The following DGKB variants were observed in gnomAD, a reference collection of about 807,000 sequenced individuals.
The protein encoded by DGKB is diacylglycerol kinase beta.
In DGKB, 67 loss-of-function variants were observed where a neutral mutation model predicts 114.3. That is an observed-to-expected ratio of 0.59 (90% CI 0.48 to 0.72). The LOEUF (loss-of-function observed/expected upper bound fraction) is 0.72. Among genes scored for constraint, DGKB ranks in the 30% least tolerant of loss-of-function variants. The pLI is 0.00. For synonymous variants in DGKB, 398 were observed against 323.1 expected (o/e 1.23, Z -2.49); for missense variants, 907 against 975.2 (o/e 0.93, Z 0.93).
chr7:14,736,187 T>C lies in DGKB; in HGVS notation c.176A>G (p.Asp59Gly). The C allele has an allele frequency of 6.6e-7, 1 of 1,518,404 alleles. No homozygotes were observed. The highest frequency in any genetic ancestry group is 8.9e-7 in the Non-Finnish European group (1 of 1,124,100). 94.1% of individuals were successfully genotyped at this position (1,518,404 alleles called of 1,614,324 possible). A position where few individuals can be genotyped will look rare whatever the true frequency, so the allele number is the denominator to read the frequency against. ...GKQDILNQTIDFEGFKLFMKT... is the reference protein window; with the variant it reads ...GKQDILNQTIGFEGFKLFMKT... Reference sequence around the variant, plus strand: ...CATGAATAGTTTGAAACCTTCAAAATCTATTGTCTGGAAAAAAAAAATGTA... The same window carrying C: ...CATGAATAGTTTGAAACCTTCAAAACCTATTGTCTGGAAAAAAAAAATGTA... Residue 59 changes from aspartate to glycine, a missense_variant, in exon 5 of 26, where the codon GAT becomes GGT. Coordinates refer to ENST00000402815, the MANE Select transcript of DGKB (RefSeq NM_001350709.2).
intron 13 of DGKB, among the ~76,000 whole-genome samples, chr7:14,664,164 C>T (rs1035818167): frequency 6.6e-6 from 1 of 151,980 alleles, no homozygotes; most frequent in Non-Finnish European, 1.5e-5. Flanking sequence ...TAATGAACTT[C>T]CCCTGCACAT....
At chr7:14,604,221 G>C (rs73289525) in intron 17 of DGKB, among the ~76,000 whole-genome samples, 264 of 152,126 alleles carry the variant, frequency 1.7e-3, no homozygotes, top group African/African-American at 6.1e-3. Context: ...TATATAAAGA[G>C]ATAGAATGGA....
rs1212601204 is a variant in DGKB, at chr7:14,685,369, G to A, written c.712-7C>T. 3 of 1,595,480 alleles carry A rather than the reference G, an allele frequency of 1.9e-6. No individual in the cohort carries two copies. The highest frequency in any genetic ancestry group is 2.2e-5 in the East Asian group (1 of 44,754). Reference sequence around the variant, plus strand: ...GTCCATCATCCTTCACGTTCTGCATGGGACGTAAGAGAAACAGATTTCACT... The same window carrying A: ...GTCCATCATCCTTCACGTTCTGCATAGGACGTAAGAGAAACAGATTTCACT... On this transcript the variant is annotated splice_region_variant and splice_polypyrimidine_tract_variant and intron_variant, in intron 9 of 25. Coordinates refer to ENST00000402815, the MANE Select transcript of DGKB (RefSeq NM_001350709.2).
chr7:14,722,167 T>C lies in DGKB; in HGVS notation c.323-3482A>G, dbSNP rs971128621. Among the ~76,000 whole-genome samples, 4 of 152,198 alleles carry C rather than the reference T, an allele frequency of 2.6e-5. No individual in the cohort carries two copies. The East Asian group carries it at 7.7e-4, about 29-fold the overall frequency. ...AGGGTTCTCTTTTTGTTGTATATTC[T>C]ATGAGTTTGGACAGGTGTATAATGA... On this transcript the variant is annotated intron_variant, in intron 5 of 25. Coordinates refer to ENST00000402815, the MANE Select transcript of DGKB (RefSeq NM_001350709.2).
Position 14,772,697 on chromosome 7 carries a change from A to C in DGKB, c.71-14966T>G, listed in dbSNP as rs1220382257. 2.6e-5 allele frequency among the ~76,000 whole-genome samples: 4 copies of C among 152,154 alleles called. No homozygotes were observed. The East Asian group carries it at 7.7e-4, about 29-fold the overall frequency. On this transcript the variant is annotated intron_variant, in intron 2 of 25. Coordinates refer to ENST00000402815, the MANE Select transcript of DGKB (RefSeq NM_001350709.2). ...AGAAAGTGAATGGAAAGAGATATCCAATGTGAATTTTAATCCTCCCATTGT... is the reference window on the plus strand; with the variant it reads ...AGAAAGTGAATGGAAAGAGATATCCCATGTGAATTTTAATCCTCCCATTGT...
chr7:14,762,393 G>A (rs1835835138), intron 2 of DGKB, among the ~76,000 whole-genome samples: 1 of 152,080 alleles, frequency 6.6e-6, no homozygotes. Flanking sequence ...AATGCCATGA[G>A]AGTTAAATGA....
chr7:14,460,011 G>C (rs973209633), intron 21 of DGKB, among the ~76,000 whole-genome samples: 4 of 152,124 alleles, frequency 2.6e-5, no homozygotes, highest in African/African-American at 9.7e-5. Flanking sequence ...CTTCGTAAGG[G>C]AAGGAGAAAT....
chr7:14,582,754 C>A (rs1046914912), intron 18 of DGKB, among the ~76,000 whole-genome samples: 1 of 152,088 alleles, frequency 6.6e-6, no homozygotes, highest in African/African-American at 2.4e-5. Flanking sequence ...TCCTTCAGTT[C>A]CTTGTCTGGG....
intron 21 of DGKB, among the ~76,000 whole-genome samples, chr7:14,428,165 T>C (rs567164058): frequency 1.4e-4 from 21 of 152,164 alleles, no homozygotes; most frequent in Admixed American, 3.9e-4. Context: ...TTCATAACTT[T>C]TTCTGTGATA....
At chr7:14,206,255 TGATA>T (rs1403780580) in intron 23 of DGKB, among the ~76,000 whole-genome samples, 1 of 151,810 alleles carries the variant, frequency 6.6e-6, no homozygotes, top group Non-Finnish European at 1.5e-5. Context: ...AAGTCCAAGG[TGATA>T]GATAGTTTGT....
chr7:14,681,912 C>T (rs903976466), intron 12 of DGKB, among the ~76,000 whole-genome samples: 4 of 151,930 alleles, frequency 2.6e-5, no homozygotes, highest in African/African-American at 9.7e-5. Context: ...CTCTTATACC[C>T]CAATGCATGA....
At position 14,478,144 on chromosome 7, in the gene DGKB, CTCTTT is replaced by C; in HGVS notation, c.1835+12_1835+16del. On this transcript the variant is annotated intron_variant, in intron 21 of 25. Transcript: ENST00000402815. ...TCAGCAACTATATCTATAATTTCAT[CTCTTT>C]TGTCACCTTACCTACTGTTGAATTT... The C allele has an allele frequency of 6.4e-7, 1 of 1,559,802 alleles. No individual in the cohort carries two copies. Among genetic ancestry groups the C allele is most frequent in the South Asian group, 1.2e-5 (1 of 86,314 alleles).
intron 13 of DGKB, among the ~76,000 whole-genome samples, chr7:14,639,535 A>C (rs1811349840): frequency 6.6e-6 from 1 of 152,154 alleles, no homozygotes; most frequent in Non-Finnish European, 1.5e-5. Flanking sequence ...ACCTTTATCC[A>C]CAGAAATAGG....
intron 25 of DGKB, among the ~76,000 whole-genome samples, chr7:14,170,143 AAAAAAGAAAG>A (rs1780675219): frequency 7.9e-6 from 1 of 127,020 alleles, no homozygotes; most frequent in Non-Finnish European, 1.6e-5. Context: ...TCAAAAAAAA[AAAAAAGAAAG>A]AAAGAAAGAA....
chr7:14,717,690 A>C (rs1008378005), intron 6 of DGKB, among the ~76,000 whole-genome samples: 17 of 152,218 alleles, frequency 1.1e-4, no homozygotes, highest in Middle Eastern at 3.4e-3. Context: ...AGAAGTGTTA[A>C]AGTTTAGATT....
intron 20 of DGKB, among the ~76,000 whole-genome samples, chr7:14,542,262 C>T (rs1246388557): frequency 6.6e-6 from 1 of 152,070 alleles, no homozygotes; most frequent in African/African-American, 2.4e-5. Context: ...CAAGTGATCA[C>T]ATCATCCTGT....
intron 2 of DGKB, among the ~76,000 whole-genome samples, chr7:14,824,580 T>A (rs7789829): frequency 0.11 from 16,828 of 152,000 alleles, 1,712 homozygotes; most frequent in East Asian, 0.29. Context: ...ATAATCAAGA[T>A]CCTGAAAAAT....
intron 12 of DGKB, among the ~76,000 whole-genome samples, chr7:14,682,344 T>C (rs1368962184): frequency 6.6e-6 from 1 of 152,100 alleles, no homozygotes; most frequent in Non-Finnish European, 1.5e-5. Context: ...TCTCTTAGAT[T>C]GTCACCAGCT....
intron 23 of DGKB, among the ~76,000 whole-genome samples, chr7:14,276,423 T>A (rs1045029314): frequency 6.6e-6 from 1 of 152,176 alleles, no homozygotes; most frequent in Non-Finnish European, 1.5e-5. Flanking sequence ...GTCTACATGA[T>A]AGAATACTGT....
Sources: allele counts gnomAD v4.1 joint callset (sites outside exome capture counted in the v4.1 genomes callset), GRCh38; gene constraint gnomAD v4.1.1; transcripts MANE v1.5; gene names NCBI Gene and HGNC (gene_info 2026-07-23, HGNC 2026-07-21).